SPATA6: variants seen among roughly 807,000 people sequenced by gnomAD.
The protein encoded by SPATA6 is spermatogenesis-associated protein 6.
Under a neutral mutation model 65.3 loss-of-function variants are expected in SPATA6, and 56 were observed. The observed-to-expected ratio is 0.86, with a 90% CI of 0.69 to 1.07. SPATA6 has a LOEUF of 1.07. Among genes scored for constraint, SPATA6 ranks in the 50% least tolerant of loss-of-function variants. The probability of loss-of-function intolerance (pLI) is 0.00; values close to 1 mark genes in which losing one functional copy is unlikely to be tolerated. For missense variants in SPATA6, 590 were observed against 594.8 expected, an observed-to-expected ratio of 0.99 and a Z score of 0.08; for synonymous variants, 199 against 213.2, an observed-to-expected ratio of 0.93 and a Z score of 0.58.
At chr1:48,356,909 C>A (rs1191896302) in intron 10 of SPATA6, among the ~76,000 whole-genome samples, 2 of 152,088 alleles carry the variant, frequency 1.3e-5, no homozygotes, top group African/African-American at 4.8e-5. Context: ...AATCAATTAT[C>A]TAAACTTTAA....
At chr1:48,348,953 T>A in intron 11 of SPATA6, among the ~76,000 whole-genome samples, 1 of 152,010 alleles carries the variant, frequency 6.6e-6, no homozygotes, top group East Asian at 1.9e-4. Flanking sequence ...CTCTAATGCA[T>A]GTGTAAAATA....
chr1:48,402,467 G>A (rs905784928), intron 6 of SPATA6, among the ~76,000 whole-genome samples: 28 of 152,214 alleles, frequency 1.8e-4, no homozygotes, highest in South Asian at 2.1e-4. Context: ...TCTAAAACAA[G>A]TCAATAACAT....
In SPATA6 at chr1:48,359,621, T is replaced by G; in HGVS notation, c.1059A>C (p.Pro353=). 6.2e-7 allele frequency: 1 copy of G among 1,613,576 alleles called. No homozygotes were observed. Among genetic ancestry groups the G allele is most frequent in the Non-Finnish European group, 8.5e-7 (1 of 1,179,664 alleles). The change falls in exon 10 of 13, where the codon CCA becomes CCC. Residue 353 remains proline, a synonymous_variant. Coordinates refer to ENST00000371847, the MANE Select transcript of SPATA6 (RefSeq NM_019073.4). ...SAPSTMPKHS[P]SPVLNRASLR... is the part of the protein sequence containing the mutation. Reference sequence around the variant, plus strand: ...GAGAAGCTCTATTTAACACAGGGCTTGGAGAATGCTTTGGCATTGTTGAGG... The same window carrying G: ...GAGAAGCTCTATTTAACACAGGGCTGGGAGAATGCTTTGGCATTGTTGAGG...
At chr1:48,381,687 C>CTTTTTTTT (rs34196190) in intron 9 of SPATA6, among the ~76,000 whole-genome samples, 3 of 121,724 alleles carry the variant, frequency 2.5e-5, no homozygotes, top group African/African-American at 9.8e-5. Flanking sequence ...AATTTTTTTT[C>CTTTTTTTT]TTTTTTTTTT....
intron 10 of SPATA6, among the ~76,000 whole-genome samples, chr1:48,357,007 T>C (rs147999870): frequency 4.6e-5 from 7 of 152,274 alleles, no homozygotes; most frequent in Admixed American, 2.0e-4. Flanking sequence ...TAGTACATCT[T>C]GGAAATCTGA....
the SPATA6 span, among the ~76,000 whole-genome samples, chr1:48,288,720 T>C: frequency 2.6e-5 from 4 of 151,940 alleles, no homozygotes; most frequent in East Asian, 7.8e-4. Context: ...GCTCGGAGGG[T>C]CCCACACCCA....
intron 3 of SPATA6, among the ~76,000 whole-genome samples, chr1:48,423,692 C>T (rs1431298098): frequency 6.6e-6 from 1 of 150,912 alleles, no homozygotes; most frequent in Non-Finnish European, 1.5e-5. Flanking sequence ...GAATTATAGG[C>T]ATCCGCCACC....
At chr1:48,387,276 T>C (rs1396493371) in intron 8 of SPATA6, among the ~76,000 whole-genome samples, 1 of 152,112 alleles carries the variant, frequency 6.6e-6, no homozygotes, top group Non-Finnish European at 1.5e-5. Flanking sequence ...AAGATGAGAT[T>C]TGGGTGGGGG....
chr1:48,381,707 T>A lies in SPATA6; in HGVS notation c.909+3602A>T, dbSNP rs572213788. 1.1e-3 allele frequency among the ~76,000 whole-genome samples: 160 copies of A among 146,808 alleles called. 2 individuals carry two copies. Among genetic ancestry groups the A allele is most frequent in the African/African-American group, 2.5e-3 (96 of 38,952 alleles). On this transcript the variant is annotated intron_variant, in intron 9 of 12. Transcript: ENST00000371847. ...TTTTTCTTTTTTTTTTTAATTAATT[T>A]ATTTATTTTTTATTGATCATTCTTG...
intron 3 of SPATA6, chr1:48,436,767 T>C: frequency 6.2e-7 from 1 of 1,614,200 alleles, no homozygotes; most frequent in Admixed American, 1.7e-5. Flanking sequence ...GGCAGGTGCC[T>C]TTCCAGGACA....
At chr1:48,288,350 TAAG>T in the SPATA6 span, among the ~76,000 whole-genome samples, 2 of 152,314 alleles carry the variant, frequency 1.3e-5, no homozygotes, top group African/African-American at 4.8e-5. Context: ...ATTGAAAGTT[TAAG>T]AAGCCGAGAG....
At position 48,385,329 on chromosome 1, in the gene SPATA6, A is replaced by G. The variant is rs1649349410; in HGVS notation, c.889T>C (p.Cys297Arg). 6.2e-7 allele frequency: 1 copy of G among 1,608,410 alleles called. No homozygotes were observed. Among genetic ancestry groups the G allele is most frequent in the African/African-American group, 1.3e-5 (1 of 74,888 alleles). The change falls in exon 9 of 13, where the codon TGC (cysteine) becomes CGC (arginine). Residue 297 changes from cysteine to arginine, a missense_variant. Cys to Arg is a radical substitution (Grantham distance 180). Transcript: ENST00000371847. ...VHNDHSHLGC[C>R]RPKDYKVIRT... ...CACACCTTATAATCCTTGGGTCGGC[A>G]GCAGCCAAGATGAGAATGATCTGAA...
intron 1 of SPATA6, among the ~76,000 whole-genome samples, chr1:48,466,929 A>G (rs1486387227): frequency 1.3e-5 from 2 of 152,110 alleles, no homozygotes; most frequent in Non-Finnish European, 2.9e-5. Context: ...TACCTCCAAT[A>G]TCTTCCATTT....
intron 11 of SPATA6, among the ~76,000 whole-genome samples, chr1:48,323,778 C>T (rs765195406): frequency 2.0e-5 from 3 of 152,024 alleles, no homozygotes; most frequent in Admixed American, 6.6e-5. Context: ...TTCCTAAACA[C>T]GTAAAACTTA....
At chr1:48,391,094 G>A (rs1650012418) in intron 8 of SPATA6, among the ~76,000 whole-genome samples, 1 of 151,882 alleles carries the variant, frequency 6.6e-6, no homozygotes, top group Non-Finnish European at 1.5e-5. Flanking sequence ...TCCGGACACG[G>A]TGCCTGATAC....
At chr1:48,338,513 T>C (rs1463854007) in intron 11 of SPATA6, among the ~76,000 whole-genome samples, 1 of 152,030 alleles carries the variant, frequency 6.6e-6, no homozygotes. Flanking sequence ...AACCAAAACG[T>C]TGATTGCTGA....
intron 11 of SPATA6, among the ~76,000 whole-genome samples, chr1:48,314,847 A>T (rs1402550529): frequency 6.6e-6 from 1 of 152,136 alleles, no homozygotes; most frequent in Non-Finnish European, 1.5e-5. Flanking sequence ...CAATAAAAAA[A>T]TGATAAAGGG....
chr1:48,366,631 C>T (rs919629446), intron 9 of SPATA6, among the ~76,000 whole-genome samples: 12 of 152,188 alleles, frequency 7.9e-5, no homozygotes, highest in African/African-American at 1.9e-4. Context: ...TCTGTGTGAT[C>T]GGTGGTGATA....
intron 11 of SPATA6, among the ~76,000 whole-genome samples, chr1:48,309,960 G>C (rs1645159581): frequency 6.6e-6 from 1 of 152,170 alleles, no homozygotes; most frequent in Non-Finnish European, 1.5e-5. Context: ...GGAATTGAAA[G>C]CTAAGGGCCT....
Sources: gnomAD v4.1 joint callset for allele counts (sites outside exome capture counted in the v4.1 genomes callset) on GRCh38, gnomAD v4.1.1 for gene constraint, MANE v1.5 for transcripts, NCBI Gene and HGNC (gene_info 2026-07-23, HGNC 2026-07-21) for gene names.